The following GRB2 variants were observed in gnomAD, a reference collection of about 807,000 sequenced individuals.
GRB2 encodes the protein growth factor receptor-bound protein 2.
A neutral mutation model predicts 27.4 loss-of-function variants in GRB2; 2 were observed. The observed-to-expected ratio is 0.07, with a 90% CI of 0.03 to 0.23. GRB2 has a LOEUF of 0.23. GRB2 is among the 10% of genes least tolerant of loss of function. The probability of loss-of-function intolerance (pLI) is 1.00; values close to 1 mark genes in which losing one functional copy is unlikely to be tolerated. For missense variants in GRB2, 102 were observed against 282.4 expected, an observed-to-expected ratio of 0.36 and a Z score of 4.58; for synonymous variants, 94 against 99.6, an observed-to-expected ratio of 0.94 and a Z score of 0.33.
intron 1 of GRB2, among the ~76,000 whole-genome samples, chr17:75,397,314 TATA>T (rs1290855510): frequency 1.3e-5 from 2 of 152,180 alleles, no homozygotes; most frequent in African/African-American, 4.8e-5. Context: ...AGACACAATG[TATA>T]ATGATTTTAA....
intron 4 of GRB2, among the ~76,000 whole-genome samples, chr17:75,322,317 A>G (rs9891824): frequency 0.59 from 88,113 of 149,892 alleles, 30,944 homozygotes; most frequent in East Asian, 0.86. Context: ...GGTTGTGGTG[A>G]GCTGAGATCG....
chr17:75,372,642 C>G (rs917225360), intron 2 of GRB2: 7 of 152,226 alleles, frequency 4.6e-5, no homozygotes, highest in African/African-American at 1.7e-4. Flanking sequence ...TATATCTGTA[C>G]TGTCCAATAC....
chr17:75,368,528 T>G (rs541343074), intron 2 of GRB2, among the ~76,000 whole-genome samples: 7 of 146,804 alleles, frequency 4.8e-5, no homozygotes, highest in African/African-American at 1.8e-4. Flanking sequence ...AGGCGTTTGT[T>G]TTTTTTTTTG....
At chr17:75,351,103 G>A (rs1411450707) in intron 2 of GRB2, among the ~76,000 whole-genome samples, 1 of 152,168 alleles carries the variant, frequency 6.6e-6, no homozygotes, top group Non-Finnish European at 1.5e-5. Flanking sequence ...GTGGAGAAGG[G>A]GTTACTGCAG....
At chr17:75,382,783 ACTGCAAGCTCAGCCTTC>A (rs1222863534) in intron 2 of GRB2, among the ~76,000 whole-genome samples, 1 of 152,148 alleles carries the variant, frequency 6.6e-6, no homozygotes, top group African/African-American at 2.4e-5. Context: ...ATCTGGGATC[ACTGCAAGCTCAGCCTTC>A]CGGGTTCACG....
At chr17:75,345,286 C>T (rs907409583) in intron 2 of GRB2, among the ~76,000 whole-genome samples, 7 of 152,008 alleles carry the variant, frequency 4.6e-5, no homozygotes, top group Non-Finnish European at 7.4e-5. Context: ...CCTCGTGATC[C>T]GCCAACCTCA....
intron 1 of GRB2, among the ~76,000 whole-genome samples, chr17:75,400,722 CAGGCTGGTCTCCAACCTCA>C (rs2079058156): frequency 6.6e-6 from 1 of 152,034 alleles, no homozygotes; most frequent in Non-Finnish European, 1.5e-5. Flanking sequence ...CCATGTTGGC[CAGGCTGGTCTCCAACCTCA>C]AGTGATCCGC....
chr17:75,354,484 G>C (rs1477405764), intron 2 of GRB2, among the ~76,000 whole-genome samples: 1 of 152,044 alleles, frequency 6.6e-6, no homozygotes, highest in Non-Finnish European at 1.5e-5. Context: ...GCTTCTCGTA[G>C]GAACACAAAC....
intron 2 of GRB2, among the ~76,000 whole-genome samples, chr17:75,334,067 C>T (rs2078559344): frequency 6.6e-6 from 1 of 152,182 alleles, no homozygotes; most frequent in African/African-American, 2.4e-5. Context: ...CGTTTCAAGA[C>T]CTCCAGTGGG....
At chr17:75,365,144 T>C (rs2078811082) in intron 2 of GRB2, among the ~76,000 whole-genome samples, 1 of 152,050 alleles carries the variant, frequency 6.6e-6, no homozygotes. Flanking sequence ...ATATGTGAGC[T>C]CCACAAGCTG....
chr17:75,318,571 A>T lies in GRB2; in HGVS notation c.*1797T>A, dbSNP rs1277194020. 6.6e-6 allele frequency: 1 copy of T among 152,190 alleles called. No homozygotes were observed. Among genetic ancestry groups the T allele is most frequent in the Non-Finnish European group, 1.5e-5 (1 of 68,068 alleles). The allele number at this position is 152,190 out of a possible 1,614,324, so 9.4% of individuals were successfully genotyped here. The stretch of plus-strand genomic sequence containing the variant: ...CAGGCACATCACCACAGGGGACCAG[A>T]AGTGGAGAGAAGACAGAGAGTTCTG... On this transcript the variant is annotated 3_prime_UTR_variant, in exon 6 of 6. Transcript: ENST00000316804.
intron 2 of GRB2, among the ~76,000 whole-genome samples, chr17:75,337,904 T>TACTAC (rs758924250): frequency 0.17 from 17,793 of 102,054 alleles, 1,889 homozygotes; most frequent in East Asian, 0.36. Context: ...ACTACTACTA[T>TACTAC]TATTATTATT....
chr17:75,383,256 A>G (rs374625473), intron 2 of GRB2, among the ~76,000 whole-genome samples: 1 of 152,184 alleles, frequency 6.6e-6, no homozygotes, highest in Non-Finnish European at 1.5e-5. Flanking sequence ...AGAGGCCCCC[A>G]GTAGGACACA....
chr17:75,403,838 G>T (rs2079079995), intron 1 of GRB2, among the ~76,000 whole-genome samples: 2 of 152,312 alleles, frequency 1.3e-5, no homozygotes, highest in African/African-American at 4.8e-5. Flanking sequence ...CTCTGGCCGG[G>T]CGCGGTGGCT....
chr17:75,343,495 ATTTC>A (rs1233051201), intron 2 of GRB2, among the ~76,000 whole-genome samples: 2 of 152,214 alleles, frequency 1.3e-5, no homozygotes, highest in Non-Finnish European at 2.9e-5. Context: ...ATTACAGGAT[ATTTC>A]TTTCTCTGAG....
intron 2 of GRB2, among the ~76,000 whole-genome samples, chr17:75,362,919 T>C (rs2078794205): frequency 6.6e-6 from 1 of 151,452 alleles, no homozygotes; most frequent in Non-Finnish European, 1.5e-5. Context: ...ATTTTGGGGG[T>C]AGAGGAAGGA....
In GRB2 at chr17:75,320,416, G is replaced by A. The variant is rs55784104; in HGVS notation, c.606C>T (p.Thr202=). 9.9e-6 allele frequency: 16 copies of A among 1,614,054 alleles called. No individual in the cohort carries two copies. Among genetic ancestry groups the A allele is most frequent in the Admixed American group, 5.0e-5 (3 of 60,014 alleles). Residue 202 remains threonine, a synonymous_variant, in exon 6 of 6, where the codon ACC becomes ACT. Transcript: ENST00000316804. This position sits in a 1 kb window ranked among gnomAD's most constrained non-coding sequence, Gnocchi z 4.3. ...NWWKGACHGQ[T]GMFPRNYVTP... ...TGACATAATTGCGGGGAAACATGCC[G>A]GTCTGCCCGTGGCAAGCTCCTTTCC...
chr17:75,393,635 C>T lies in GRB2; in HGVS notation c.-7G>A, dbSNP rs374102478. On this transcript the variant is annotated 5_prime_UTR_variant, in exon 2 of 6. Transcript: ENST00000316804. ...ATTTGGCGATGGCTTCCATTCTGAG[C>T]GCTGCTCAGTGCTCAGCAGCCTGAA... 53 of 1,612,910 alleles carry T rather than the reference C, an allele frequency of 3.3e-5. No homozygotes were observed. The African/African-American group carries it at 5.7e-4, about 17-fold the overall frequency.
At chr17:75,355,320 C>A (rs2078724498) in intron 2 of GRB2, among the ~76,000 whole-genome samples, 1 of 152,058 alleles carries the variant, frequency 6.6e-6, no homozygotes, top group Non-Finnish European at 1.5e-5. Flanking sequence ...GGGGTGAAAG[C>A]AGACTTCTTT....
Sources: allele counts gnomAD v4.1 joint callset (sites outside exome capture counted in the v4.1 genomes callset), GRCh38; gene constraint gnomAD v4.1.1; non-coding constraint Gnocchi (gnomAD v3.1); transcripts MANE v1.5; gene names NCBI Gene and HGNC (gene_info 2026-07-23, HGNC 2026-07-21).